The following FAF1 variants were observed in gnomAD, a reference collection of about 807,000 sequenced individuals.
FAF1 encodes Fas associated factor 1.
In FAF1, 25 loss-of-function variants were observed where a neutral mutation model predicts 92.5. The observed-to-expected ratio is 0.27, with a 90% CI of 0.20 to 0.38. The LOEUF is 0.38. FAF1 is among the 10% of genes least tolerant of loss of function. The pLI, the probability that FAF1 is intolerant of heterozygous loss-of-function variation, is 1.00. For synonymous variants in FAF1, 234 were observed against 273.2 expected (o/e 0.86, Z 1.42); for missense variants, 636 against 793.3 (o/e 0.80, Z 2.38).
At chr1:50,715,629 C>T (rs1012190490) in intron 6 of FAF1, among the ~76,000 whole-genome samples, 3 of 152,150 alleles carry the variant, frequency 2.0e-5, no homozygotes, top group South Asian at 2.1e-4. Flanking sequence ...AAGTCTTAGG[C>T]TTCCAATGCT....
At chr1:50,451,893 ATG>A in intron 18 of FAF1, 1 of 1,080,746 alleles carries the variant, frequency 9.3e-7, no homozygotes, top group Non-Finnish European at 1.1e-6. Flanking sequence ...AGGTATTATA[ATG>A]TTAAAATGGT....
intron 7 of FAF1, among the ~76,000 whole-genome samples, chr1:50,675,179 A>G (rs1300315783): frequency 2.6e-5 from 4 of 152,132 alleles, no homozygotes; most frequent in Non-Finnish European, 5.9e-5. Context: ...CGTGAGCCAC[A>G]GCGCCCAGCC....
At chr1:50,718,310 G>C (rs1658273163) in intron 6 of FAF1, among the ~76,000 whole-genome samples, 1 of 152,190 alleles carries the variant, frequency 6.6e-6, no homozygotes, top group Non-Finnish European at 1.5e-5. Flanking sequence ...TTACAGGCAT[G>C]AGGCACCGTG....
At chr1:50,554,765 T>C (rs530177177) in intron 13 of FAF1, among the ~76,000 whole-genome samples, 6 of 152,248 alleles carry the variant, frequency 3.9e-5, no homozygotes, top group African/African-American at 1.4e-4. Context: ...AAAACAACTG[T>C]ATCCAAGTCA....
chr1:50,685,459 AG>A (rs1256571559), intron 7 of FAF1, among the ~76,000 whole-genome samples: 1 of 152,228 alleles, frequency 6.6e-6, no homozygotes, highest in Non-Finnish European at 1.5e-5. Context: ...TGAAAGATTT[AG>A]GAAATGGAAT....
At position 50,936,249 on chromosome 1, in the gene FAF1, A is replaced by G. The variant is rs375511902; in HGVS notation, c.45+23518T>C. Among the ~76,000 whole-genome samples, 51 of 152,372 alleles carry G rather than the reference A, an allele frequency of 3.3e-4. 4 individuals carry two copies. Among genetic ancestry groups the G allele is most frequent in the African/African-American group, 1.2e-3 (50 of 41,588 alleles). ...GAACTCACAAATTAGTAAGAAAGAC[A>G]AACAGATATTTACAAAGTAATGTGA... On this transcript the variant is annotated intron_variant, in intron 1 of 18. Transcript: ENST00000396153.
intron 7 of FAF1, among the ~76,000 whole-genome samples, chr1:50,692,479 G>A (rs560250281): frequency 6.6e-6 from 1 of 152,020 alleles, no homozygotes; most frequent in Admixed American, 6.6e-5. Flanking sequence ...CCAGCCTCTG[G>A]TAATCACTGT....
At chr1:50,721,288 C>T (rs1437770370) in intron 6 of FAF1, among the ~76,000 whole-genome samples, 2 of 151,996 alleles carry the variant, frequency 1.3e-5, no homozygotes, top group African/African-American at 2.4e-5. Context: ...GATCTCTGCT[C>T]GCTGCAACCT....
chr1:50,742,588 T>C (rs1261725976), intron 5 of FAF1, among the ~76,000 whole-genome samples: 1 of 152,206 alleles, frequency 6.6e-6, no homozygotes, highest in Admixed American at 6.5e-5. Flanking sequence ...TTTGTCATGT[T>C]GTCCAGGCTG....
intron 1 of FAF1, among the ~76,000 whole-genome samples, chr1:50,938,810 C>CT (rs1645107513): frequency 6.6e-6 from 1 of 152,176 alleles, no homozygotes; most frequent in Non-Finnish European, 1.5e-5. Context: ...GTTATCCTAG[C>CT]ACCATTTATT....
rs560361144 is a variant in FAF1, at chr1:50,663,505, C to T, written c.658-7977G>A. Among the ~76,000 whole-genome samples, 10 of 149,992 alleles carry T rather than the reference C, an allele frequency of 6.7e-5. No individual in the cohort carries two copies. In the East Asian group the frequency reaches 9.7e-4, roughly 15 times the overall value. On this transcript the variant is annotated intron_variant, in intron 7 of 18. Transcript: ENST00000396153. ...GCAACCTCCGCCTCCCAGGTTCAAG[C>T]GATTCTTCTGCCTCAGCCTCCCAAC...
intron 2 of FAF1, among the ~76,000 whole-genome samples, chr1:50,827,092 C>T (rs570396434): frequency 6.6e-6 from 1 of 151,968 alleles, no homozygotes; most frequent in South Asian, 2.1e-4. Context: ...CGCCTCTGCC[C>T]GGCCACCCCA....
At chr1:50,528,606 A>G (rs1041106674) in intron 15 of FAF1, among the ~76,000 whole-genome samples, 3 of 152,222 alleles carry the variant, frequency 2.0e-5, no homozygotes, top group African/African-American at 4.8e-5. Context: ...CATCTTCTAT[A>G]CTGGTACTGG....
At chr1:50,617,712 T>TA (rs1553121714) in intron 8 of FAF1, among the ~76,000 whole-genome samples, 3 of 150,410 alleles carry the variant, frequency 2.0e-5, no homozygotes, top group East Asian at 3.9e-4. Context: ...TTTTTTTTTT[T>TA]AATAATTTCA....
chr1:50,911,246 A>G (rs1439656359), intron 1 of FAF1, among the ~76,000 whole-genome samples: 2 of 151,166 alleles, frequency 1.3e-5, no homozygotes, highest in East Asian at 4.0e-4. Flanking sequence ...TAATTTTTCT[A>G]TTTTTAGTAG....
At chr1:50,552,760 G>C (rs762439029) in intron 13 of FAF1, among the ~76,000 whole-genome samples, 2 of 152,140 alleles carry the variant, frequency 1.3e-5, no homozygotes, top group South Asian at 2.1e-4. Context: ...GGGGCAGCTG[G>C]GAGGGGAGGT....
chr1:50,877,216 A>G (rs1358571963), intron 1 of FAF1, among the ~76,000 whole-genome samples: 4 of 152,202 alleles, frequency 2.6e-5, no homozygotes, highest in Non-Finnish European at 5.9e-5. Context: ...AATATCAACA[A>G]TGCTAAGTCA....
intron 1 of FAF1, among the ~76,000 whole-genome samples, chr1:50,905,255 A>C (rs1161701235): frequency 6.6e-6 from 1 of 152,172 alleles, no homozygotes; most frequent in Non-Finnish European, 1.5e-5. Context: ...CATGGTGTAC[A>C]TGTGCCACAT....
intron 15 of FAF1, among the ~76,000 whole-genome samples, chr1:50,524,313 A>C (rs540122448): frequency 3.0e-4 from 46 of 152,224 alleles, no homozygotes; most frequent in African/African-American, 1.1e-3. Flanking sequence ...AGTTTGCAAA[A>C]ATTTTCTCCC....
Sources: gnomAD v4.1 joint callset for allele counts (sites outside exome capture counted in the v4.1 genomes callset) on GRCh38, gnomAD v4.1.1 for gene constraint, MANE v1.5 for transcripts, NCBI Gene and HGNC (gene_info 2026-07-23, HGNC 2026-07-21) for gene names.